CPAP: variants seen among roughly 807,000 people sequenced by gnomAD.
CPAP encodes the protein centrosome assembly and centriole elongation protein, also known as centrosomal P4.1-associated protein.
the CPAP span, chr13:24,885,415 A>G: frequency 2.6e-5 from 38 of 1,483,894 alleles, no homozygotes; most frequent in Non-Finnish European, 3.0e-5. Context: ...TCAAGCAGCT[A>G]AAACCTACTC....
chr13:24,928,305 T>C, the CPAP span, among the ~76,000 whole-genome samples: 1 of 152,118 alleles, frequency 6.6e-6, no homozygotes, highest in African/African-American at 2.4e-5. Context: ...CTCCAGCAGG[T>C]TGGGGAGATG....
the CPAP span, among the ~76,000 whole-genome samples, chr13:24,893,822 A>T: frequency 6.6e-6 from 1 of 152,256 alleles, no homozygotes. Flanking sequence ...TAATATTTAC[A>T]AAATATCTGT....
chr13:24,920,058 C>T, the CPAP span, among the ~76,000 whole-genome samples: 4 of 152,336 alleles, frequency 2.6e-5, no homozygotes, highest in Admixed American at 6.5e-5. Flanking sequence ...AGGTGTGAGT[C>T]ACTGCGCCCA....
At chr13:24,883,824 C>T in the CPAP span, 1 of 908,000 alleles carries the variant, frequency 1.1e-6, no homozygotes, top group Non-Finnish European at 1.8e-6. Flanking sequence ...ACTGACATGC[C>T]TGTGGGACAT....
chr13:24,883,415 G>GAAAAT, the CPAP span: 5 of 1,427,388 alleles, frequency 3.5e-6, no homozygotes, highest in African/African-American at 1.4e-5. Context: ...AAAAATAATA[G>GAAAAT]AAAATAAACA....
chr13:24,919,358 A>C, the CPAP span, among the ~76,000 whole-genome samples: 7 of 152,208 alleles, frequency 4.6e-5, no homozygotes, highest in Non-Finnish European at 8.8e-5. Context: ...AGATTATCTA[A>C]ATTTACAAAG....
the CPAP span, among the ~76,000 whole-genome samples, chr13:24,929,505 T>A: frequency 6.6e-6 from 1 of 152,256 alleles, no homozygotes; most frequent in East Asian, 1.9e-4. Context: ...TGGAAGGTCC[T>A]TTGTATGTAC....
the CPAP span, chr13:24,909,733 T>C: frequency 6.7e-7 from 1 of 1,494,956 alleles, no homozygotes; most frequent in Non-Finnish European, 9.3e-7. Flanking sequence ...AAAGGCTTCA[T>C]CTTAGGACAA....
At chr13:24,896,359 G>T in the CPAP span, among the ~76,000 whole-genome samples, 10 of 152,230 alleles carry the variant, frequency 6.6e-5, no homozygotes, top group Non-Finnish European at 8.8e-5. Context: ...GCCCAGAGCT[G>T]CCAGCAGTGA....
At chr13:24,885,930 C>T in the CPAP span, 1 of 494,310 alleles carries the variant, frequency 2.0e-6, no homozygotes, top group Admixed American at 3.3e-5. Flanking sequence ...CTGACAGACC[C>T]AAATGTATTT....
At chr13:24,885,608 G>C in the CPAP span, 1 of 1,602,452 alleles carries the variant, frequency 6.2e-7, no homozygotes, top group Non-Finnish European at 8.6e-7. Context: ...AGATTTACTT[G>C]TCCCTTATCC....
the CPAP span, chr13:24,906,435 G>A: frequency 1.2e-4 from 191 of 1,613,676 alleles, no homozygotes; most frequent in Non-Finnish European, 1.5e-4. Flanking sequence ...GCAGCCAGCC[G>A]GCTGGCCGGC....
At chr13:24,916,248 G>A in the CPAP span, among the ~76,000 whole-genome samples, 1 of 151,964 alleles carries the variant, frequency 6.6e-6, no homozygotes, top group Non-Finnish European at 1.5e-5. Context: ...GTACTGAAGT[G>A]GAATAACATC....
chr13:24,884,220 GTCTGGGCAGCTGCA>G, the CPAP span: 4 of 1,614,054 alleles, frequency 2.5e-6, no homozygotes, highest in Non-Finnish European at 3.4e-6. Flanking sequence ...CGTGTGAGTG[GTCTGGGCAGCTGCA>G]TAGTAGTAGA....
the CPAP span, among the ~76,000 whole-genome samples, chr13:24,912,351 T>TTA: frequency 6.6e-6 from 1 of 152,226 alleles, no homozygotes; most frequent in Admixed American, 6.5e-5. Context: ...TTTCCCCTAA[T>TTA]ACTTGATCAA....
chr13:24,883,178 C>T, the CPAP span: 68 of 1,613,390 alleles, frequency 4.2e-5, no homozygotes, highest in Non-Finnish European at 5.4e-5. Flanking sequence ...TGAGGATCGT[C>T]ACAGCTCCGT....
At chr13:24,887,043 G>T in the CPAP span, among the ~76,000 whole-genome samples, 2 of 152,162 alleles carry the variant, frequency 1.3e-5, no homozygotes, top group East Asian at 3.9e-4. Context: ...GAAAACTGGG[G>T]ACAGTGGAAG....
chr13:24,883,134 A>G, the CPAP span: 1 of 1,521,656 alleles, frequency 6.6e-7, no homozygotes, highest in Non-Finnish European at 9.1e-7. Flanking sequence ...ATTTTTTAAC[A>G]TAAAAAGTCA....
the CPAP span, among the ~76,000 whole-genome samples, chr13:24,919,437 C>G: frequency 6.6e-6 from 1 of 151,296 alleles, no homozygotes; most frequent in Admixed American, 6.6e-5. Context: ...TTTTTTTTTC[C>G]TTGAGACAGG....
Sources: gnomAD v4.1 joint callset for allele counts (sites outside exome capture counted in the v4.1 genomes callset) on GRCh38, gnomAD v4.1.1 for gene constraint, MANE v1.5 for transcripts, NCBI Gene and HGNC (gene_info 2026-07-23, HGNC 2026-07-21) for gene names.